The following HIP1R variants were observed in gnomAD, a reference collection of about 807,000 sequenced individuals.
The protein encoded by HIP1R is huntingtin-interacting protein 1-related protein.
In HIP1R, 135 loss-of-function variants were observed where a neutral mutation model predicts 144.2. That is an observed-to-expected ratio of 0.94 (90% confidence interval 0.81 to 1.08). The LOEUF (loss-of-function observed/expected upper bound fraction) is 1.08, where lower values mean the gene tolerates loss of function less well. HIP1R is among the 50% of genes least tolerant of loss of function. The probability of loss-of-function intolerance (pLI) is 0.00; values close to 1 mark genes in which losing one functional copy is unlikely to be tolerated. For synonymous variants in HIP1R, 698 were observed against 612.8 expected (o/e 1.14, Z -2.05); for missense variants, 1,462 against 1,432.8 (o/e 1.02, Z -0.33).
At chr12:122,856,191 CAAG>C in intron 14 of HIP1R, 28 bp downstream of exon 14, 1 of 1,611,530 alleles carries the variant, frequency 6.2e-7, no homozygotes, top group African/African-American at 1.3e-5. Flanking sequence ...CACAGGGGTC[CAAG>C]GGTGTGTCCC....
intron 10 of HIP1R, 64 bp downstream of exon 10, chr12:122,855,192 C>T (rs2033528900): frequency 2.5e-6 from 4 of 1,610,580 alleles, no homozygotes; most frequent in Non-Finnish European, 3.4e-6. Flanking sequence ...GGGCCCCACA[C>T]AGGCTATGGA....
Position 122,851,559 on chromosome 12 carries a change from G to A in HIP1R, c.577+262G>A, listed in dbSNP as rs151305562. Among the ~76,000 whole-genome samples the A allele has an allele frequency of 2.1e-3, 325 of 152,180 alleles. 3 individuals carry two copies. The highest frequency in any genetic ancestry group is 7.2e-3 in the African/African-American group (298 of 41,530). ...CTAAAAAAATATAAAAATTAGCCAG[G>A]CGTGGTGGCGCACGCCTGTATTCCC... On this transcript the variant is annotated intron_variant, in intron 7 of 31. Transcript: ENST00000253083.
At chr12:122,860,353 C>T in intron 26 of HIP1R, 70 bp from the exon 27 acceptor site, 4 of 1,581,670 alleles carry the variant, frequency 2.5e-6, no homozygotes. Flanking sequence ...GGAGAGGGCC[C>T]TTGAGGGCCA....
chr12:122,857,983 CT>C (rs2033644325), intron 18 of HIP1R, 118 bp from the exon 19 acceptor site: 3 of 851,180 alleles, frequency 3.5e-6, no homozygotes, highest in South Asian at 3.8e-5. Context: ...CTCCACCCCC[CT>C]GACCAGTGAG....
In HIP1R at chr12:122,857,970, A is replaced by T. The variant is rs1050842620; in HGVS notation, c.1816-132A>T. ...ACTGTGTGGGAAGCCTCTTTCTAGA[A>T]ATCTCCACCCCCCTGACCAGTGAGG... is the stretch of plus-strand genomic sequence containing the variant. On this transcript the variant is annotated intron_variant, in intron 18 of 31. Coordinates refer to ENST00000253083, the MANE Select transcript of HIP1R (RefSeq NM_003959.3). 8 of 733,532 alleles carry T rather than the reference A, an allele frequency of 1.1e-5. No individual in the cohort carries two copies. In the African/African-American group the frequency reaches 1.2e-4, roughly 11 times the overall value. The allele number at this position is 733,532 out of a possible 1,614,324, so 45.4% of individuals were successfully genotyped here.
chr12:122,841,175 A>G (rs1244601560), intron 1 of HIP1R, among the ~76,000 whole-genome samples: 2 of 149,718 alleles, frequency 1.3e-5, no homozygotes, highest in Non-Finnish European at 3.0e-5. Context: ...CTTGAATATC[A>G]CCTCCTCTGT....
chr12:122,861,287 G>T, intron 30 of HIP1R, 21 bp from the exon 31 acceptor site: 1 of 1,613,648 alleles, frequency 6.2e-7, no homozygotes, highest in South Asian at 1.1e-5. Context: ...GGGCTGGGCT[G>T]AGCAGGCCGT....
intron 2 of HIP1R, 83 bp from the exon 3 acceptor site, chr12:122,848,383 C>A: frequency 6.6e-7 from 1 of 1,507,740 alleles, no homozygotes; most frequent in Non-Finnish European, 8.9e-7. Flanking sequence ...GGCCCTCTTC[C>A]GGCGGCCCTG....
At position 122,835,469 on chromosome 12, in the gene HIP1R, C is replaced by G. The variant is rs1400069644; in HGVS notation, c.-82C>G. The G allele has an allele frequency of 5.1e-6, 6 of 1,174,990 alleles. No individual in the cohort carries two copies. The highest frequency in any genetic ancestry group is 3.3e-5 in the African/African-American group (2 of 61,084). The allele number at this position is 1,174,990 out of a possible 1,614,324, so 72.8% of individuals were successfully genotyped here. On this transcript the variant is annotated 5_prime_UTR_variant, in exon 1 of 32. Transcript: ENST00000253083. The stretch of plus-strand genomic sequence containing the variant: ...GCCCGGGCGCGGCGCGGTGGCCTCG[C>G]GGTGCCTAGGCTGGGGCTGCCGGAC...
intron 1 of HIP1R, among the ~76,000 whole-genome samples, chr12:122,846,313 CA>C (rs2033210663): frequency 6.6e-6 from 1 of 152,182 alleles, no homozygotes; most frequent in African/African-American, 2.4e-5. Context: ...GCTGTACAGA[CA>C]AGTATATAAG....
chr12:122,834,909 A>G, upstream of HIP1R: 4 of 1,273,538 alleles, frequency 3.1e-6, no homozygotes, highest in Non-Finnish European at 4.1e-6. Flanking sequence ...AAGACCAAAA[A>G]GGAAAAAAAG....
At position 122,859,042 on chromosome 12, in the gene HIP1R, C is replaced by T. The variant is rs578103447; in HGVS notation, c.2159-19C>T. 3.2e-5 allele frequency: 52 copies of T among 1,605,974 alleles called. No homozygotes were observed. The highest frequency in any genetic ancestry group is 5.3e-5 in the African/African-American group (4 of 74,870). On this transcript the variant is annotated intron_variant, in intron 21 of 31. Coordinates refer to ENST00000253083, the MANE Select transcript of HIP1R (RefSeq NM_003959.3). ...CTGTCGGTGGGGGGGGCTCCACTCA[C>T]GGTCCTTTCTCACCCCAGGCCTCAT...
chr12:122,848,642 C>T (rs1367742910), intron 3 of HIP1R, 34 bp downstream of exon 3: 1 of 1,600,074 alleles, frequency 6.2e-7, no homozygotes, highest in Admixed American at 1.7e-5. Flanking sequence ...CTCCCCGGAG[C>T]TGGGGCACTG....
intron 4 of HIP1R, 89 bp from the exon 5 acceptor site, chr12:122,849,786 G>C: frequency 3.6e-6 from 3 of 830,918 alleles, no homozygotes; most frequent in Non-Finnish European, 6.1e-6. Flanking sequence ...AGAAGTGCCC[G>C]GTGGTGGGTC....
At position 122,856,633 on chromosome 12, in the gene HIP1R, G is replaced by T. The variant is rs1418408132; in HGVS notation, c.1527G>T (p.Glu509Asp). 1 of 1,605,240 alleles carries T rather than the reference G, an allele frequency of 6.2e-7. No individual in the cohort carries two copies. The highest frequency in any genetic ancestry group is 8.5e-7 in the Non-Finnish European group (1 of 1,175,978). ...ACGCTGTCCTGTCCCAGCTAGAGGA[G>T]AAGAGCGACCAGCTGGAGAAGCTCA... ...VKRESELKLE[E>D]KSDQLEKLKR... The change falls in exon 17 of 32, where the codon GAG (glutamate) becomes GAT (aspartate). Residue 509 changes from glutamate (E) to aspartate (D), a missense_variant. Glu to Asp is a conservative substitution (Grantham distance 45, BLOSUM62 2). Around this residue, in one of 2 missense-constraint regions of HIP1R, gnomAD observed 1,112 missense variants for 1,011.7 expected, o/e 1.10. Transcript: ENST00000253083.
intron 23 of HIP1R, 49 bp downstream of exon 23, chr12:122,859,585 G>A (rs766343745): frequency 2.7e-6 from 4 of 1,493,020 alleles, no homozygotes; most frequent in Non-Finnish European, 3.7e-6. Context: ...AGCTTTGGGG[G>A]CCGGAGGCCC....
chr12:122,858,812 A>C, intron 20 of HIP1R, 26 bp from the exon 21 acceptor site: 31 of 1,416,344 alleles, frequency 2.2e-5, no homozygotes, highest in African/African-American at 2.8e-5. Flanking sequence ...ATCCTCCCCC[A>C]ACCTTGGCCC....
At chr12:122,850,970 C>A in intron 6 of HIP1R, 59 bp downstream of exon 6, 2 of 1,498,956 alleles carry the variant, frequency 1.3e-6, no homozygotes, top group East Asian at 4.7e-5. Context: ...TTCCTTCCTA[C>A]CGCGTCTCAC....
At chr12:122,843,009 G>A (rs1433098818) in intron 1 of HIP1R, among the ~76,000 whole-genome samples, 1 of 152,240 alleles carries the variant, frequency 6.6e-6, no homozygotes, top group African/African-American at 2.4e-5. Flanking sequence ...AAGGGATGGG[G>A]GTAGTGGGAA....
Sources: allele counts gnomAD v4.1 joint callset (sites outside exome capture counted in the v4.1 genomes callset), GRCh38; gene constraint gnomAD v4.1.1; regional missense constraint gnomAD v4.1.1; transcripts MANE v1.5; gene names NCBI Gene and HGNC (gene_info 2026-07-23, HGNC 2026-07-21).